Variants in RAD51 observed in about 807,000 individuals in gnomAD.
RAD51 encodes DNA repair protein RAD51 homolog 1.
Under a neutral mutation model 41.5 loss-of-function variants are expected in RAD51, and 14 were observed. The ratio of observed to expected loss-of-function variants is 0.34; its 90% CI spans 0.22 to 0.53. RAD51 has a LOEUF of 0.53. RAD51 is among the 20% of genes least tolerant of loss of function. The pLI, the probability that RAD51 is intolerant of heterozygous loss-of-function variation, is 0.95. For synonymous variants in RAD51, 136 were observed against 148.6 expected (o/e 0.92, Z 0.62); for missense variants, 234 against 422.0 (o/e 0.55, Z 3.90).
intron 6 of RAD51, among the ~76,000 whole-genome samples, chr15:40,725,200 A>G (rs1192918418): frequency 6.6e-6 from 1 of 151,450 alleles, no homozygotes; most frequent in East Asian, 2.0e-4. Flanking sequence ...TGCCTGGCCT[A>G]TTTCTTATTT....
intron 8 of RAD51, 31 bp from the exon 9 acceptor site, chr15:40,729,822 A>G (rs1367238422): frequency 3.7e-6 from 6 of 1,614,214 alleles, no homozygotes; most frequent in Non-Finnish European, 5.1e-6. Flanking sequence ...GTCTATGGCC[A>G]CAAAATTGAC....
chr15:40,714,417 C>T (rs956717843), intron 5 of RAD51, among the ~76,000 whole-genome samples: 4 of 152,140 alleles, frequency 2.6e-5, no homozygotes, highest in Admixed American at 2.0e-4. Context: ...GACTACAGTA[C>T]ATAATATCTA....
At chr15:40,712,951 T>C (rs1302890052) in intron 5 of RAD51, among the ~76,000 whole-genome samples, 2 of 145,660 alleles carry the variant, frequency 1.4e-5, no homozygotes, top group Admixed American at 7.1e-5. Flanking sequence ...TGATCTTGGC[T>C]TGCTGCAACC....
At position 40,731,362 on chromosome 15, in the gene RAD51, G is replaced by A. The variant is rs562615836; in HGVS notation, c.*184G>A. On this transcript the variant is annotated 3_prime_UTR_variant, in exon 10 of 10. Transcript: ENST00000267868. ...GGAGACAGGTCAGTAGTCACAAACTGATCTAAAATGTTTATTCCTTCTGTA... is the reference window on the plus strand; with the variant it reads ...GGAGACAGGTCAGTAGTCACAAACTAATCTAAAATGTTTATTCCTTCTGTA... 4.2e-4 allele frequency: 300 copies of A among 707,682 alleles called. No individual in the cohort carries two copies. The African/African-American group carries it at 4.6e-3, about 11-fold the overall frequency. 43.8% of individuals were successfully genotyped at this position (707,682 alleles called of 1,614,324 possible). A position where few individuals can be genotyped will look rare whatever the true frequency, so the allele number is the denominator to read the frequency against.
At chr15:40,701,573 C>G (rs1414774495) in intron 3 of RAD51, among the ~76,000 whole-genome samples, 1 of 151,754 alleles carries the variant, frequency 6.6e-6, no homozygotes, top group Non-Finnish European at 1.5e-5. Flanking sequence ...TCAGGCGATT[C>G]ACCTACCTCA....
chr15:40,709,663 G>A lies in RAD51; in HGVS notation c.435+547G>A, dbSNP rs560537305. ...GCTGGAATTATAGGCGTAAGCCACT[G>A]CGCCCAGCCCTCCATCTTCTTCATT... On this transcript the variant is annotated intron_variant, in intron 5 of 9. Coordinates refer to ENST00000267868, the MANE Select transcript of RAD51 (RefSeq NM_002875.5). Among the ~76,000 whole-genome samples, 5 of 152,180 alleles carry A rather than the reference G, an allele frequency of 3.3e-5. No individual in the cohort carries two copies. The South Asian group carries it at 1.0e-3, about 32-fold the overall frequency.
rs577513866 is a variant in RAD51, at chr15:40,703,224, C to T, written c.225+2023C>T. On this transcript the variant is annotated intron_variant, in intron 3 of 9. Coordinates refer to ENST00000267868, the MANE Select transcript of RAD51 (RefSeq NM_002875.5). Reference sequence around the variant, plus strand: ...AGAGTCCCTGGGACTATGTTTCATACGAAGTAAGTGTCTAGTACATGTTTG... The same window carrying T: ...AGAGTCCCTGGGACTATGTTTCATATGAAGTAAGTGTCTAGTACATGTTTG... 3.9e-5 allele frequency among the ~76,000 whole-genome samples: 6 copies of T among 152,084 alleles called. No homozygotes were observed. The East Asian group carries it at 1.2e-3, about 29-fold the overall frequency.
intron 7 of RAD51, 45 bp downstream of exon 7, chr15:40,728,869 T>C: frequency 6.7e-7 from 1 of 1,495,126 alleles, no homozygotes; most frequent in African/African-American, 1.4e-5. Context: ...TAAGAGTCCT[T>C]CCCTGAATCT....
intron 2 of RAD51, among the ~76,000 whole-genome samples, chr15:40,699,845 C>G (rs1449811005): frequency 6.6e-5 from 10 of 152,102 alleles, no homozygotes; most frequent in African/African-American, 2.4e-4. Flanking sequence ...TAGAGACTGC[C>G]CTGTGAGTGC....
At position 40,726,039 on chromosome 15, in the gene RAD51, G is replaced by C. The variant is rs373521051; in HGVS notation, c.531-2672G>C. 3.4e-4 allele frequency among the ~76,000 whole-genome samples: 52 copies of C among 152,160 alleles called. 1 individual carries two copies. The highest frequency in any genetic ancestry group is 1.3e-3 in the African/African-American group (52 of 41,484). The stretch of plus-strand genomic sequence containing the variant: ...AAGCTCTCCAGGTAATCTGATGCTT[G>C]CTAAAGTTTGAAAACCATGACCACA... On this transcript the variant is annotated intron_variant, in intron 6 of 9. Coordinates refer to ENST00000267868, the MANE Select transcript of RAD51 (RefSeq NM_002875.5).
chr15:40,702,246 T>G (rs558803649), intron 3 of RAD51, among the ~76,000 whole-genome samples: 2 of 152,310 alleles, frequency 1.3e-5, no homozygotes, highest in African/African-American at 4.8e-5. Flanking sequence ...TCATATTGAC[T>G]AAGCCAGTAG....
At chr15:40,708,400 G>A (rs1895492823) in intron 4 of RAD51, among the ~76,000 whole-genome samples, 1 of 151,520 alleles carries the variant, frequency 6.6e-6, no homozygotes, top group African/African-American at 2.4e-5. Context: ...GCTAAGTTTT[G>A]TATTTTTAGT....
In RAD51 at chr15:40,698,813, A is replaced by G. The variant is rs755132632; in HGVS notation, c.55A>G (p.Ser19Gly). 48 of 1,614,104 alleles carry G rather than the reference A, an allele frequency of 3.0e-5. No homozygotes were observed. Among genetic ancestry groups the G allele is most frequent in the African/African-American group, 1.3e-4 (10 of 74,940 alleles). ...TGCAGATACTTCAGTGGAAGAAGAA[A>G]GCTTTGGCCCACAACCCATTTCACG... ...ANADTSVEEE[S>G]FGPQPISRLE... The change falls in exon 2 of 10, where the codon AGC (serine) becomes GGC (glycine). Residue 19 changes from serine to glycine, a missense_variant. By Grantham distance (56) the Ser-to-Gly change is moderately conservative. Coordinates refer to ENST00000267868, the MANE Select transcript of RAD51 (RefSeq NM_002875.5).
chr15:40,698,723 A>C (rs1894806513), intron 1 of RAD51, 34 bp from the exon 2 acceptor site: 1 of 1,573,370 alleles, frequency 6.4e-7, no homozygotes. Flanking sequence ...TTATTTCTCT[A>C]GTGTTTATAC....
At chr15:40,696,992 T>G (rs1159140990) in intron 1 of RAD51, among the ~76,000 whole-genome samples, 2 of 152,226 alleles carry the variant, frequency 1.3e-5, no homozygotes, top group African/African-American at 4.8e-5. Context: ...CAGCCCTCAG[T>G]TATGTTTGTG....
intron 6 of RAD51, among the ~76,000 whole-genome samples, chr15:40,725,423 C>T (rs1896532047): frequency 6.6e-6 from 1 of 152,178 alleles, no homozygotes; most frequent in African/African-American, 2.4e-5. Context: ...AATTATATTT[C>T]TGAGAATGTC....
intron 6 of RAD51, among the ~76,000 whole-genome samples, chr15:40,722,690 A>T (rs1180503215): frequency 6.6e-6 from 1 of 152,228 alleles, no homozygotes; most frequent in Non-Finnish European, 1.5e-5. Flanking sequence ...TGTACGTTTT[A>T]CTATACTGTT....
At chr15:40,705,690 C>T (rs1477230554) in intron 3 of RAD51, among the ~76,000 whole-genome samples, 1 of 152,122 alleles carries the variant, frequency 6.6e-6, no homozygotes, top group Non-Finnish European at 1.5e-5. Context: ...CTGCAAGCTC[C>T]GCCTCCCGGG....
At chr15:40,729,737 C>T in intron 8 of RAD51, 103 bp downstream of exon 8, 3 of 1,610,052 alleles carry the variant, frequency 1.9e-6, no homozygotes, top group Admixed American at 1.7e-5. Context: ...TCATCAAGCT[C>T]TTAGGAAGAA....
Sources: gnomAD v4.1 joint callset for allele counts (sites outside exome capture counted in the v4.1 genomes callset) on GRCh38, gnomAD v4.1.1 for gene constraint, MANE v1.5 for transcripts, NCBI Gene and HGNC (gene_info 2026-07-23, HGNC 2026-07-21) for gene names.